Variants in DNAH7 observed in about 807,000 individuals in gnomAD.
The protein encoded by DNAH7 is axonemal beta dynein heavy chain 7.
A neutral mutation model predicts 444.6 loss-of-function variants in DNAH7; 397 were observed. That is an observed-to-expected ratio of 0.89 (90% confidence interval 0.82 to 0.97). DNAH7 has a LOEUF of 0.97. Among genes scored for constraint, DNAH7 ranks in the 50% least tolerant of loss-of-function variants. The pLI is 0.00. For missense variants in DNAH7, 4,902 were observed against 4,800.8 expected (o/e 1.02, Z -0.62); for synonymous variants, 1,636 against 1,624.4 (o/e 1.01, Z -0.17).
chr2:195,838,226 T>C (rs1039091272), intron 47 of DNAH7, among the ~76,000 whole-genome samples: 5 of 152,134 alleles, frequency 3.3e-5, no homozygotes, highest in Non-Finnish European at 4.4e-5. Context: ...GTTATTTGAC[T>C]GCTAAACCAA....
chr2:195,820,912 T>C (rs1171543143), intron 49 of DNAH7, among the ~76,000 whole-genome samples: 3 of 152,202 alleles, frequency 2.0e-5, no homozygotes, highest in Non-Finnish European at 4.4e-5. Context: ...AAAAGCGTTG[T>C]TCTTGTTTTT....
chr2:195,946,923 G>A (rs1371524269), intron 19 of DNAH7, among the ~76,000 whole-genome samples: 1 of 151,836 alleles, frequency 6.6e-6, no homozygotes, highest in East Asian at 1.9e-4. Context: ...CTCTTAATAA[G>A]CAAAAGTGAC....
chr2:195,930,536 T>C (rs2125388549), intron 21 of DNAH7, among the ~76,000 whole-genome samples: 1 of 152,206 alleles, frequency 6.6e-6, no homozygotes, highest in Middle Eastern at 3.4e-3. Context: ...AAAATGCTGA[T>C]AAGGCTGCAG....
At chr2:195,924,593 CAAA>C (rs1276051887) in intron 22 of DNAH7, among the ~76,000 whole-genome samples, 4 of 120,680 alleles carry the variant, frequency 3.3e-5, no homozygotes, top group Admixed American at 8.7e-5. Flanking sequence ...GACTCCATCA[CAAA>C]AAAAAAAAAA....
At chr2:195,758,344 A>G (rs915918673) in intron 61 of DNAH7, among the ~76,000 whole-genome samples, 1 of 152,218 alleles carries the variant, frequency 6.6e-6, no homozygotes, top group African/African-American at 2.4e-5. Context: ...TCTAAACACA[A>G]AAAAGATTAT....
rs184082328 is a variant in DNAH7 at position 196,008,772 on chromosome 2, G to C, written c.989+4015C>G. Among the ~76,000 whole-genome samples, 39 of 152,272 alleles carry C rather than the reference G, an allele frequency of 2.6e-4. 1 individual carries two copies. In the East Asian group the frequency reaches 5.8e-3, roughly 23 times the overall value. ...TTAGCATAGTTACCAGGCACCTCTG[G>C]GTGGAAGAATGGGAAATGGCTGCTA... is the stretch of plus-strand genomic sequence containing the variant. On this transcript the variant is annotated intron_variant, in intron 10 of 64. Coordinates refer to ENST00000312428, the MANE Select transcript of DNAH7 (RefSeq NM_018897.3).
At chr2:195,835,381 CAAAAAAAAAAA>C (rs58376618) in intron 47 of DNAH7, among the ~76,000 whole-genome samples, 3 of 113,054 alleles carry the variant, frequency 2.7e-5, no homozygotes, top group African/African-American at 1.0e-4. Context: ...GTGACTGAGG[CAAAAAAAAAAA>C]AAAAAAAATT....
chr2:195,996,677 C>T (rs539373509), intron 12 of DNAH7, among the ~76,000 whole-genome samples: 1 of 152,270 alleles, frequency 6.6e-6, no homozygotes, highest in East Asian at 1.9e-4. Context: ...CCACCCGCCT[C>T]GCCCTCCCAA....
At chr2:195,786,577 T>TTC (rs1271211821) in intron 58 of DNAH7, among the ~76,000 whole-genome samples, 4 of 152,062 alleles carry the variant, frequency 2.6e-5, no homozygotes, top group Non-Finnish European at 4.4e-5. Context: ...AGATTTTTTT[T>TTC]TTTTTTCCTG....
chr2:195,857,260 T>C (rs1460119330), intron 44 of DNAH7, 117 bp downstream of exon 44: 1 of 899,402 alleles, frequency 1.1e-6, no homozygotes, highest in Non-Finnish European at 1.6e-6. Context: ...CAAAGCAAAT[T>C]CAGACAGGAT....
At chr2:195,991,215 A>G (rs1209128337) in intron 12 of DNAH7, among the ~76,000 whole-genome samples, 1 of 151,934 alleles carries the variant, frequency 6.6e-6, no homozygotes, top group East Asian at 1.9e-4. Flanking sequence ...TAGTTTGCCT[A>G]CTCCCAATTT....
chr2:195,894,759 AAAG>A (rs1702209774), intron 30 of DNAH7: 1 of 350,174 alleles, frequency 2.9e-6, no homozygotes, highest in East Asian at 4.8e-5. Flanking sequence ...TTTTTTTAAA[AAAG>A]AAATAAAAGG....
At chr2:195,819,291 C>G (rs1241234310) in intron 49 of DNAH7, among the ~76,000 whole-genome samples, 2 of 152,164 alleles carry the variant, frequency 1.3e-5, no homozygotes, top group Non-Finnish European at 2.9e-5. Flanking sequence ...CAATCATGGG[C>G]ATATATACCT....
chr2:195,742,297 G>A (rs557425338), intron 63 of DNAH7, among the ~76,000 whole-genome samples: 7 of 152,270 alleles, frequency 4.6e-5, no homozygotes, highest in African/African-American at 1.4e-4. Context: ...GAATACAATG[G>A]AAAAGAAAGA....
At chr2:196,042,023 C>T (rs762071035) in intron 5 of DNAH7, among the ~76,000 whole-genome samples, 3 of 151,914 alleles carry the variant, frequency 2.0e-5, no homozygotes, top group Non-Finnish European at 4.4e-5. Flanking sequence ...TATTATTTTA[C>T]CCCAGTTAAA....
At chr2:195,769,604 G>T (rs748835141) in intron 61 of DNAH7, among the ~76,000 whole-genome samples, 50 of 151,890 alleles carry the variant, frequency 3.3e-4, no homozygotes, top group Non-Finnish European at 6.6e-4. Context: ...CTGGGTCTAG[G>T]GGGTAAAGGT....
intron 21 of DNAH7, among the ~76,000 whole-genome samples, chr2:195,927,536 T>C (rs2125375582): frequency 6.6e-6 from 1 of 151,452 alleles, no homozygotes; most frequent in African/African-American, 2.4e-5. Context: ...AATTAATTAA[T>C]TAATTAAAAA....
chr2:195,744,677 C>T (rs921416931), intron 63 of DNAH7, among the ~76,000 whole-genome samples: 2 of 152,210 alleles, frequency 1.3e-5, no homozygotes, highest in African/African-American at 4.8e-5. Context: ...AACAATCAGA[C>T]AGCAGCATTC....
At position 195,906,557 on chromosome 2, in the gene DNAH7, G is replaced by T. The variant is rs1395630023; in HGVS notation, c.4335+102C>A. The T allele has an allele frequency of 7.3e-6, 8 of 1,090,296 alleles. No homozygotes were observed. The African/African-American group carries it at 1.3e-4, about 18-fold the overall frequency. The allele number at this position is 1,090,296 out of a possible 1,614,324, so 67.5% of individuals were successfully genotyped here. On this transcript the variant is annotated intron_variant, in intron 27 of 64. Transcript: ENST00000312428. ...CCTCCCACCACCTCAGCCTCCTAAA[G>T]TGCTAGGATTATAGGCGTTAGCCAC...
Sources: allele counts gnomAD v4.1 joint callset (sites outside exome capture counted in the v4.1 genomes callset), GRCh38; gene constraint gnomAD v4.1.1; transcripts MANE v1.5; gene names NCBI Gene and HGNC (gene_info 2026-07-23, HGNC 2026-07-21).